Variants in NASP observed in about 807,000 individuals in gnomAD.
The protein encoded by NASP is nuclear autoantigenic sperm protein, also known as NASP histone chaperone.
Under a neutral mutation model 89.5 loss-of-function variants are expected in NASP, and 24 were observed. The observed-to-expected ratio is 0.27, with a 90% CI of 0.19 to 0.38. The LOEUF is 0.38. NASP is among the 10% of genes least tolerant of loss of function. The pLI is 1.00. For missense variants in NASP, 848 were observed against 921.4 expected (o/e 0.92, Z 1.03); for synonymous variants, 306 against 324.7 (o/e 0.94, Z 0.62).
chr1:45,612,697 G>A (rs1265090066), intron 6 of NASP: 1 of 152,726 alleles, frequency 6.5e-6, no homozygotes, highest in Non-Finnish European at 1.5e-5. Context: ...TCTCTGTTGT[G>A]GGAAAGCTAG....
intron 2 of NASP, among the ~76,000 whole-genome samples, chr1:45,595,482 GTC>G (rs1643673090): frequency 1.3e-5 from 2 of 152,106 alleles, no homozygotes; most frequent in Non-Finnish European, 2.9e-5. Flanking sequence ...TGCCCATATA[GTC>G]TCTCCTTTTG....
intron 7 of NASP, among the ~76,000 whole-genome samples, chr1:45,613,848 G>T (rs1644058473): frequency 6.6e-6 from 1 of 152,044 alleles, no homozygotes; most frequent in Non-Finnish European, 1.5e-5. Context: ...CTTTATTCAT[G>T]CCTAGGATGG....
intron 2 of NASP, among the ~76,000 whole-genome samples, chr1:45,594,337 AAAC>A (rs1467117076): frequency 2.0e-5 from 3 of 151,654 alleles, no homozygotes; most frequent in South Asian, 2.1e-4. Flanking sequence ...AAAAAAAAAC[AAAC>A]AACAACAAAA....
chr1:45,615,151 A>G lies in NASP; in HGVS notation c.1805A>G (p.Glu602Gly), dbSNP rs1436534988. Residue 602 changes from glutamate (E) to glycine (G), a missense_variant, in exon 10 of 15, where the codon GAG becomes GGG. This residue lies in a region of NASP where 60 missense variants were observed against 114.6 expected (regional missense o/e 0.52). Coordinates refer to ENST00000350030, the MANE Select transcript of NASP (RefSeq NM_002482.4). ...TATGGGTACAACTCTCAGTATGATGAGGCAGTGGCACAGTTCAGCAAATCT... is the reference window on the plus strand; with the variant it reads ...TATGGGTACAACTCTCAGTATGATGGGGCAGTGGCACAGTTCAGCAAATCT... ...LAYGYNSQYD[E>G]AVAQFSKSIE... 1 of 1,614,200 alleles carries G rather than the reference A, an allele frequency of 6.2e-7. No individual in the cohort carries two copies. The highest frequency in any genetic ancestry group is 2.2e-5 in the East Asian group (1 of 44,884).
rs776823149 is a variant in NASP, at chr1:45,614,198, T to G, written c.1592+17T>G. ...TTTTAAAAGGTAAAACTCTTGGTGC[T>G]TCTAGGCTTGGGTTGGGAGTTTGGT... is the stretch of plus-strand genomic sequence containing the variant. On this transcript the variant is annotated intron_variant, in intron 8 of 14. Coordinates refer to ENST00000350030, the MANE Select transcript of NASP (RefSeq NM_002482.4). The G allele has an allele frequency of 6.2e-7, 1 of 1,605,548 alleles. No homozygotes were observed. The highest frequency in any genetic ancestry group is 1.1e-5 in the South Asian group (1 of 90,904).
rs1319410599 is a variant in NASP, at chr1:45,585,131, A to T, written c.59+926A>T. Among the ~76,000 whole-genome samples the T allele has an allele frequency of 2.0e-5, 3 of 152,218 alleles. No homozygotes were observed. The South Asian group carries it at 6.2e-4, about 31-fold the overall frequency. ...ATTGTTTTGAAAGCGGCACAGTGCC[A>T]CTCAGGCGTAATCTGTTTTTTGAAC... On this transcript the variant is annotated intron_variant, in intron 1 of 14. Coordinates refer to ENST00000350030, the MANE Select transcript of NASP (RefSeq NM_002482.4).
intron 13 of NASP, 77 bp from the exon 14 acceptor site, chr1:45,617,386 G>A: frequency 6.6e-7 from 1 of 1,517,464 alleles, no homozygotes. Context: ...GCACCACAAG[G>A]GTTAAGGAAA....
intron 2 of NASP, among the ~76,000 whole-genome samples, chr1:45,592,408 C>T (rs1426706289): frequency 6.6e-6 from 1 of 152,230 alleles, no homozygotes; most frequent in African/African-American, 2.4e-5. Flanking sequence ...CTACCATGCC[C>T]AGCTGATTTT....
chr1:45,606,681 T>C lies in NASP; in HGVS notation c.409+90T>C, dbSNP rs1034122796. 1.4e-5 allele frequency: 12 copies of C among 851,860 alleles called. No individual in the cohort carries two copies. The African/African-American group carries it at 1.8e-4, about 13-fold the overall frequency. The allele number at this position is 851,860 out of a possible 1,614,324, so 52.8% of individuals were successfully genotyped here. ...GAAACGGGGCTCTACCTGTCCTGGA[T>C]GGTCTCTCCTAAGATGCTTGGGGTG... On this transcript the variant is annotated intron_variant, in intron 5 of 14. Coordinates refer to ENST00000350030, the MANE Select transcript of NASP (RefSeq NM_002482.4).
At position 45,614,344 on chromosome 1, in the gene NASP, C is replaced by A. The variant is rs762794083; in HGVS notation, c.1644C>A (p.Leu548=). Residue 548 remains leucine, a synonymous_variant, in exon 9 of 15, where the codon CTC becomes CTA. Coordinates refer to ENST00000350030, the MANE Select transcript of NASP (RefSeq NM_002482.4). ...QLYAAQAHLK[L]GEVSVESENY... is the part of the protein sequence containing the mutation. ...ATGCTGCCCAGGCACATCTTAAACTCGGAGAAGTTAGTGTTGAATCTGGTA... is the reference window on the plus strand; with the variant it reads ...ATGCTGCCCAGGCACATCTTAAACTAGGAGAAGTTAGTGTTGAATCTGGTA... 6.2e-7 allele frequency: 1 copy of A among 1,613,600 alleles called. No homozygotes were observed. Among genetic ancestry groups the A allele is most frequent in the Non-Finnish European group, 8.5e-7 (1 of 1,179,656 alleles).
rs182289844 is a variant in NASP at position 45,604,817 on chromosome 1, G to A, written c.219-119G>A. On this transcript the variant is annotated intron_variant, in intron 3 of 14. Coordinates refer to ENST00000350030, the MANE Select transcript of NASP (RefSeq NM_002482.4). ...GTCACTTTGACCTTGAAAGCAAGAG[G>A]GGTATTGGTTTTCTAGGAGTATGTT... 122 of 728,942 alleles carry A rather than the reference G, an allele frequency of 1.7e-4. 1 individual carries two copies. The African/African-American group carries it at 2.0e-3, about 12-fold the overall frequency. 45.2% of individuals were successfully genotyped at this position (728,942 alleles called of 1,614,324 possible).
chr1:45,605,227 T>C (rs543444008), intron 4 of NASP, among the ~76,000 whole-genome samples: 59 of 152,302 alleles, frequency 3.9e-4, no homozygotes, highest in Non-Finnish European at 7.5e-4. Flanking sequence ...TTCTTTCCAG[T>C]AGTGAATGAT....
At chr1:45,613,869 T>G (rs1031974929) in intron 7 of NASP, among the ~76,000 whole-genome samples, 1 of 149,910 alleles carries the variant, frequency 6.7e-6, no homozygotes, top group Non-Finnish European at 1.5e-5. Context: ...GTGGATATAT[T>G]TGATCCTGGG....
At chr1:45,615,987 A>T (rs1644098884) in intron 11 of NASP, among the ~76,000 whole-genome samples, 1 of 152,242 alleles carries the variant, frequency 6.6e-6, no homozygotes, top group African/African-American at 2.4e-5. Flanking sequence ...GACATTTCTT[A>T]AAAAATGTAA....
intron 6 of NASP, chr1:45,611,416 A>G (rs558437464): frequency 2.0e-5 from 3 of 149,428 alleles, no homozygotes; most frequent in Non-Finnish European, 4.4e-5. Context: ...TCTTCAAGGA[A>G]TGGTGGGGAG....
At chr1:45,590,337 G>A (rs143312742) in intron 1 of NASP, among the ~76,000 whole-genome samples, 2 of 528 alleles carry the variant, frequency 3.8e-3, no homozygotes, top group Non-Finnish European at 5.6e-3. Flanking sequence ...GAGGTCAGGA[G>A]ACGAGACCAT....
At chr1:45,611,877 T>TTG (rs1491028186) in intron 6 of NASP, 2 of 143,076 alleles carry the variant, frequency 1.4e-5, no homozygotes, top group African/African-American at 2.7e-5. Context: ...TTTTTTTTTT[T>TTG]GAGACGGAGT....
intron 1 of NASP, among the ~76,000 whole-genome samples, chr1:45,584,811 G>A (rs1201806191): frequency 6.6e-6 from 1 of 152,214 alleles, no homozygotes; most frequent in Admixed American, 6.5e-5. Flanking sequence ...GGCTCCAGCA[G>A]GAGCTTTGGA....
chr1:45,593,262 G>C (rs1276643973), intron 2 of NASP, among the ~76,000 whole-genome samples: 2 of 152,140 alleles, frequency 1.3e-5, no homozygotes, highest in Admixed American at 6.5e-5. Flanking sequence ...GGCCAGGCAG[G>C]TGGCTCATGT....
Sources: allele counts gnomAD v4.1 joint callset (sites outside exome capture counted in the v4.1 genomes callset), GRCh38; gene constraint gnomAD v4.1.1; regional missense constraint gnomAD v4.1.1; transcripts MANE v1.5; gene names NCBI Gene and HGNC (gene_info 2026-07-23, HGNC 2026-07-21).